TPCN1: variants seen among roughly 807,000 people sequenced by gnomAD.
TPCN1 encodes two pore channel protein 1.
Under a neutral mutation model 108.8 loss-of-function variants are expected in TPCN1, and 52 were observed. The ratio of observed to expected loss-of-function variants is 0.48; its 90% CI spans 0.38 to 0.60. TPCN1 has a LOEUF of 0.60. TPCN1 is among the 20% of genes least tolerant of loss of function. TPCN1 has a pLI of 0.00. For synonymous variants in TPCN1, 446 were observed against 433.7 expected, an observed-to-expected ratio of 1.03 and a Z score of -0.35; for missense variants, 806 against 1,072.8, an observed-to-expected ratio of 0.75 and a Z score of 3.47.
At chr12:113,260,291 G>A in intron 2 of TPCN1, 77 bp from the exon 3 acceptor site, 2 of 1,429,648 alleles carry the variant, frequency 1.4e-6, no homozygotes, top group East Asian at 5.5e-5. Context: ...GGACTGCCAG[G>A]CTTTTCTTCT....
rs369470388 is a variant in TPCN1 at position 113,289,352 on chromosome 12, CAG to C, written c.1796+510_1796+511del. On this transcript the variant is annotated intron_variant, in intron 21 of 27. Coordinates refer to ENST00000335509, the MANE Select transcript of TPCN1 (RefSeq NM_017901.6). This position sits in a 1 kb window ranked among gnomAD's most constrained non-coding sequence, Gnocchi z 4.1. ...CACTGCCATTCATTCATCCTCAATTCAGAGAGTCCTCTTACATTTGGTCTTTA... is the reference window on the plus strand; with the variant it reads ...CACTGCCATTCATTCATCCTCAATTCAGAGTCCTCTTACATTTGGTCTTTA... 2.8e-4 allele frequency among the ~76,000 whole-genome samples: 42 copies of C among 152,382 alleles called. No individual in the cohort carries two copies. In the East Asian group the frequency reaches 8.1e-3, roughly 29 times the overall value.
intron 19 of TPCN1, among the ~76,000 whole-genome samples, chr12:113,287,941 G>A (rs997308264): frequency 2.0e-5 from 3 of 152,076 alleles, no homozygotes; most frequent in Admixed American, 6.5e-5. Flanking sequence ...GAAGGACCCC[G>A]CCCAGCCGGT....
chr12:113,284,705 CTCTG>C lies in TPCN1; in HGVS notation c.1400-9_1400-6del, dbSNP rs775610479. 1.9e-6 allele frequency: 3 copies of C among 1,614,152 alleles called. No individual in the cohort carries two copies. Among genetic ancestry groups the C allele is most frequent in the South Asian group, 2.2e-5 (2 of 91,096 alleles). ...CTGGCTTACCTGTGAGCTGCTACTT[CTCTG>C]TCTTACAGGTGGGAACTTCTTCTCC... On this transcript the variant is annotated splice_polypyrimidine_tract_variant and intron_variant, in intron 16 of 27. Transcript: ENST00000335509. This position sits in a 1 kb window ranked among gnomAD's most constrained non-coding sequence, Gnocchi z 4.1.
Position 113,268,028 on chromosome 12 carries a change from G to T in TPCN1, c.528+72G>T. 8.9e-7 allele frequency: 1 copy of T among 1,117,728 alleles called. No homozygotes were observed. The highest frequency in any genetic ancestry group is 1.3e-5 in the South Asian group (1 of 75,228). 69.2% of individuals were successfully genotyped at this position (1,117,728 alleles called of 1,614,324 possible). ...ATGTCACCTTCAAACCTGTCTCTTT[G>T]GTACAATTCAGAATCCACCATGGGC... On this transcript the variant is annotated intron_variant, in intron 5 of 27. Coordinates refer to ENST00000335509, the MANE Select transcript of TPCN1 (RefSeq NM_017901.6). The surrounding 1 kb of genome is among the most constrained non-coding windows in gnomAD (Gnocchi z 7.3).
chr12:113,296,373 G>A lies in TPCN1; in HGVS notation c.*297G>A. 2.7e-6 allele frequency: 1 copy of A among 368,118 alleles called. No individual in the cohort carries two copies. The highest frequency in any genetic ancestry group is 5.0e-6 in the Non-Finnish European group (1 of 201,414). 22.8% of individuals were successfully genotyped at this position (368,118 alleles called of 1,614,324 possible). A position where few individuals can be genotyped will look rare whatever the true frequency, so the allele number is the denominator to read the frequency against. On this transcript the variant is annotated 3_prime_UTR_variant, in exon 28 of 28. Coordinates refer to ENST00000335509, the MANE Select transcript of TPCN1 (RefSeq NM_017901.6). ...ACCCCTCACCTGGATCCAGTCGACTGCGGGGCTTGCCCCTCATGTGGGCTG... is the reference window on the plus strand; with the variant it reads ...ACCCCTCACCTGGATCCAGTCGACTACGGGGCTTGCCCCTCATGTGGGCTG...
chr12:113,223,278 G>A (rs553450551), intron 1 of TPCN1, among the ~76,000 whole-genome samples: 7 of 152,204 alleles, frequency 4.6e-5, no homozygotes, highest in Non-Finnish European at 1.0e-4. Flanking sequence ...GGATTTGCTT[G>A]GAGTTGTTCC....
At position 113,268,137 on chromosome 12, in the gene TPCN1, C is replaced by T. The variant is rs1030749571; in HGVS notation, c.528+181C>T. 6.6e-6 allele frequency among the ~76,000 whole-genome samples: 1 copy of T among 152,206 alleles called. No homozygotes were observed. The highest frequency in any genetic ancestry group is 2.4e-5 in the African/African-American group (1 of 41,450). On this transcript the variant is annotated intron_variant, in intron 5 of 27. Transcript: ENST00000335509. This position sits in a 1 kb window ranked among gnomAD's most constrained non-coding sequence, Gnocchi z 7.3. ...TGTGGGTGCCCTGGATGTCGTGATG[C>T]CAGCAGTAGCTAATGTGATTGGGTG...
At chr12:113,285,531 A>G (rs1158752220) in intron 17 of TPCN1, among the ~76,000 whole-genome samples, 1 of 152,146 alleles carries the variant, frequency 6.6e-6, no homozygotes, top group African/African-American at 2.4e-5. Flanking sequence ...CAGCGCCACA[A>G]TGCCTGGCTA....
chr12:113,221,971 G>C (rs973591600), intron 1 of TPCN1, among the ~76,000 whole-genome samples: 6 of 152,176 alleles, frequency 3.9e-5, no homozygotes, highest in African/African-American at 1.4e-4. Context: ...GGAGTCTTGT[G>C]CCTGGGTCAG....
rs1030402261 is a variant in TPCN1 at position 113,244,560 on chromosome 12, G to A, written c.113-15808G>A. On this transcript the variant is annotated intron_variant, in intron 2 of 27. Transcript: ENST00000335509. ...TCTGGGGGCCTTTGAAGAGCCAGCC[G>A]GCACAGAAGCATGGTGGCAACGCTG... 2.0e-5 allele frequency: 20 copies of A among 985,410 alleles called. No individual in the cohort carries two copies. The South Asian group carries it at 2.8e-4, about 14-fold the overall frequency. 61.0% of individuals were successfully genotyped at this position (985,410 alleles called of 1,614,324 possible). A position where few individuals can be genotyped will look rare whatever the true frequency, so the allele number is the denominator to read the frequency against.
rs1956445595 is a variant in TPCN1, at chr12:113,296,899, T to G, written c.*823T>G. 1 of 152,270 alleles carries G rather than the reference T, an allele frequency of 6.6e-6. No homozygotes were observed. Among genetic ancestry groups the G allele is most frequent in the Non-Finnish European group, 1.5e-5 (1 of 68,052 alleles). The allele number at this position is 152,270 out of a possible 1,614,324, so 9.4% of individuals were successfully genotyped here. Reference sequence around the variant, plus strand: ...GAATGGGCTCTTGACCAAATCCCTTTTTTTGCGATTTACCCGTTCAAGCAA... The same window carrying G: ...GAATGGGCTCTTGACCAAATCCCTTGTTTTGCGATTTACCCGTTCAAGCAA... On this transcript the variant is annotated 3_prime_UTR_variant, in exon 28 of 28. Transcript: ENST00000335509.
chr12:113,292,910 C>T (rs1404249947), intron 25 of TPCN1, 24 bp from the exon 26 acceptor site: 2 of 1,605,564 alleles, frequency 1.2e-6, no homozygotes, highest in South Asian at 1.1e-5. Flanking sequence ...GGGCCCTTCC[C>T]ACACCTGCCT....
At position 113,295,821 on chromosome 12, in the gene TPCN1, G is replaced by A. The variant is rs1259360071; in HGVS notation, c.2335-139G>A. 1.2e-5 allele frequency: 11 copies of A among 906,032 alleles called. No individual in the cohort carries two copies. The East Asian group carries it at 1.6e-4, about 13-fold the overall frequency. 56.1% of individuals were successfully genotyped at this position (906,032 alleles called of 1,614,324 possible). ...TTCCCAGCATTTCTGGGCCTGTGAC[G>A]GGGGTTTCAGTACCAGCTGGGTGAG... On this transcript the variant is annotated intron_variant, in intron 27 of 27. Transcript: ENST00000335509.
At chr12:113,264,126 C>A (rs536440976) in intron 3 of TPCN1, among the ~76,000 whole-genome samples, 17 of 152,270 alleles carry the variant, frequency 1.1e-4, no homozygotes, top group African/African-American at 4.1e-4. Context: ...GTGTGTGGCC[C>A]CCTGCCCACT....
At chr12:113,265,034 C>T (rs1239939651) in intron 3 of TPCN1, among the ~76,000 whole-genome samples, 1 of 152,144 alleles carries the variant, frequency 6.6e-6, no homozygotes, top group African/African-American at 2.4e-5. Flanking sequence ...CCATGTTGGC[C>T]AGGCCGGCCT....
chr12:113,274,003 G>A (rs993276181), intron 10 of TPCN1, among the ~76,000 whole-genome samples: 1 of 152,170 alleles, frequency 6.6e-6, no homozygotes, highest in Admixed American at 6.5e-5. Context: ...TTGTTTGCAG[G>A]ACCCCCTGTA....
chr12:113,226,581 C>G (rs1953477945), intron 1 of TPCN1, 147 bp from the exon 2 acceptor site: 1 of 726,912 alleles, frequency 1.4e-6, no homozygotes, highest in South Asian at 2.0e-5. Context: ...GCGCCTGGCC[C>G]TAGTTCACCA....
chr12:113,293,231 A>G, intron 26 of TPCN1, 38 bp from the exon 27 acceptor site: 1 of 1,611,798 alleles, frequency 6.2e-7, no homozygotes, highest in South Asian at 1.1e-5. Flanking sequence ...GGACCTGAAT[A>G]TCTGCAGCCG....
At chr12:113,256,050 T>C (rs560553013) in intron 2 of TPCN1, among the ~76,000 whole-genome samples, 1 of 152,170 alleles carries the variant, frequency 6.6e-6, no homozygotes, top group Non-Finnish European at 1.5e-5. Context: ...CTTCAACTCC[T>C]GACCTGAAGC....
Sources: allele counts gnomAD v4.1 joint callset (sites outside exome capture counted in the v4.1 genomes callset), GRCh38; gene constraint gnomAD v4.1.1; non-coding constraint Gnocchi (gnomAD v3.1); transcripts MANE v1.5; gene names NCBI Gene and HGNC (gene_info 2026-07-23, HGNC 2026-07-21).